CREB3L2: variants seen among roughly 807,000 people sequenced by gnomAD.
CREB3L2 encodes cyclic AMP-responsive element-binding protein 3-like protein 2.
In CREB3L2, 23 loss-of-function variants were observed where a neutral mutation model predicts 57.2. The ratio of observed to expected loss-of-function variants is 0.40; its 90% confidence interval spans 0.29 to 0.57. The LOEUF is 0.57. CREB3L2 is among the 20% of genes least tolerant of loss of function. The probability of loss-of-function intolerance (pLI) is 0.42; values close to 1 mark genes in which losing one functional copy is unlikely to be tolerated. For synonymous variants in CREB3L2, 268 were observed against 265.1 expected, an observed-to-expected ratio of 1.01 and a Z score of -0.11; for missense variants, 628 against 634.7, an observed-to-expected ratio of 0.99 and a Z score of 0.11.
intron 1 of CREB3L2, among the ~76,000 whole-genome samples, chr7:137,949,055 A>G (rs1801048361): frequency 1.3e-5 from 2 of 152,356 alleles, no homozygotes; most frequent in East Asian, 1.9e-4. Context: ...TAGTTGAGAA[A>G]TAAGTCTACA....
At chr7:137,965,652 T>C (rs1373394078) in intron 1 of CREB3L2, among the ~76,000 whole-genome samples, 2 of 152,266 alleles carry the variant, frequency 1.3e-5, no homozygotes, top group African/African-American at 2.4e-5. Context: ...AGCAAGGACA[T>C]AGAAAGCCCT....
intron 2 of CREB3L2, among the ~76,000 whole-genome samples, chr7:137,917,537 C>G (rs951911089): frequency 2.0e-5 from 3 of 152,174 alleles, no homozygotes; most frequent in Admixed American, 2.0e-4. Context: ...AGAGCAAAGT[C>G]GTTCACATTA....
chr7:137,912,957 A>G (rs1312028947), intron 4 of CREB3L2, 34 bp downstream of exon 4: 6 of 1,611,942 alleles, frequency 3.7e-6, no homozygotes, highest in South Asian at 3.3e-5. Flanking sequence ...GACCATATCC[A>G]TAACCCAAAG....
chr7:137,949,686 G>A (rs1248927384), intron 1 of CREB3L2, among the ~76,000 whole-genome samples: 1 of 152,266 alleles, frequency 6.6e-6, no homozygotes, highest in East Asian at 1.9e-4. Flanking sequence ...AAATCTAAGG[G>A]ATATTTCATG....
At chr7:137,921,292 C>A (rs1159399695) in intron 2 of CREB3L2, among the ~76,000 whole-genome samples, 1 of 152,202 alleles carries the variant, frequency 6.6e-6, no homozygotes, top group Non-Finnish European at 1.5e-5. Context: ...CCCATATCAG[C>A]TGATTTAAAC....
intron 8 of CREB3L2, among the ~76,000 whole-genome samples, chr7:137,893,671 C>T (rs192576777): frequency 2.1e-3 from 327 of 152,172 alleles, no homozygotes; most frequent in African/African-American, 7.6e-3. Flanking sequence ...CTGGAAAGAC[C>T]TTTAATAGGA....
At chr7:137,891,337 A>T (rs560752418) in intron 8 of CREB3L2, among the ~76,000 whole-genome samples, 24 of 152,194 alleles carry the variant, frequency 1.6e-4, no homozygotes, top group Non-Finnish European at 2.9e-4. Context: ...TAACTGGGAA[A>T]TGCATCAACA....
At chr7:137,956,643 CAGGTAAGCCATATTG>C (rs1801218134) in intron 1 of CREB3L2, 1 of 1,288,630 alleles carries the variant, frequency 7.8e-7, no homozygotes, top group African/African-American at 1.5e-5. Context: ...GCCAGCAGCC[CAGGTAAGCCATATTG>C]AAACAGCACA....
intron 8 of CREB3L2, among the ~76,000 whole-genome samples, chr7:137,899,105 G>A (rs879801896): frequency 0.24 from 8,716 of 35,598 alleles, 348 homozygotes; most frequent in East Asian, 0.36. Context: ...GAGAAGGAAG[G>A]AAGGAAGGAA....
At chr7:137,890,501 C>T (rs554585235) in intron 8 of CREB3L2, among the ~76,000 whole-genome samples, 1 of 152,306 alleles carries the variant, frequency 6.6e-6, no homozygotes, top group South Asian at 2.1e-4. Context: ...CAGAGGATGA[C>T]TGCTATGTGC....
intron 1 of CREB3L2, among the ~76,000 whole-genome samples, chr7:137,978,250 A>G (rs1046574619): frequency 6.6e-6 from 1 of 152,224 alleles, no homozygotes; most frequent in African/African-American, 2.4e-5. Context: ...AACTCTCTAT[A>G]TATCTCTCTA....
intron 2 of CREB3L2, among the ~76,000 whole-genome samples, chr7:137,921,636 T>C (rs1356523237): frequency 2.0e-5 from 3 of 152,134 alleles, no homozygotes; most frequent in Admixed American, 6.5e-5. Flanking sequence ...AAACCCTAAA[T>C]TGGGAGTTGG....
chr7:137,972,694 A>ACAAAAC (rs761789930), intron 1 of CREB3L2, among the ~76,000 whole-genome samples: 2,566 of 44,648 alleles, frequency 0.057, 79 homozygotes, highest in African/African-American at 0.069. Flanking sequence ...CAAAAAAAAA[A>ACAAAAC]AAAAAAAAAA....
intron 2 of CREB3L2, among the ~76,000 whole-genome samples, chr7:137,925,155 G>A (rs1030764275): frequency 1.3e-5 from 2 of 152,114 alleles, no homozygotes; most frequent in Admixed American, 6.5e-5. Context: ...GGCAAAGGAG[G>A]AAGAGGGAAA....
chr7:137,964,135 G>A (rs1451749033), intron 1 of CREB3L2, among the ~76,000 whole-genome samples: 1 of 152,148 alleles, frequency 6.6e-6, no homozygotes, highest in Non-Finnish European at 1.5e-5. Context: ...GGCCAACATG[G>A]TGAAACCCTG....
intron 2 of CREB3L2, among the ~76,000 whole-genome samples, chr7:137,927,736 T>A (rs1180000698): frequency 6.7e-6 from 1 of 148,836 alleles, no homozygotes; most frequent in Non-Finnish European, 1.5e-5. Flanking sequence ...ATGATGGAAT[T>A]GGGTTGAGAG....
At chr7:137,983,424 G>C (rs78946659) in intron 1 of CREB3L2, among the ~76,000 whole-genome samples, 120 of 152,336 alleles carry the variant, frequency 7.9e-4, no homozygotes, top group African/African-American at 2.8e-3. Flanking sequence ...TGGTCTTTTA[G>C]ACATGTTCCA....
rs918258236 is a variant in CREB3L2, at chr7:137,905,990, A to G, written c.769-142T>C. The G allele has an allele frequency of 3.1e-5, 23 of 731,348 alleles. No individual in the cohort carries two copies. In the East Asian group the frequency reaches 5.2e-4, roughly 16 times the overall value. The allele number at this position is 731,348 out of a possible 1,614,324, so 45.3% of individuals were successfully genotyped here. On this transcript the variant is annotated intron_variant, in intron 5 of 11. Coordinates refer to ENST00000330387, the MANE Select transcript of CREB3L2 (RefSeq NM_194071.4). ...AAGGATGCCCCATCTGCTTTGGGTG[A>G]CAGATGGGTATTTTGAAGGGCATGG...
chr7:137,903,415 A>G (rs1799806846), intron 7 of CREB3L2, among the ~76,000 whole-genome samples: 1 of 152,118 alleles, frequency 6.6e-6, no homozygotes, highest in Non-Finnish European at 1.5e-5. Context: ...TATTTAATTC[A>G]TCTTTTTCTA....
Sources: allele counts gnomAD v4.1 joint callset (sites outside exome capture counted in the v4.1 genomes callset), GRCh38; gene constraint gnomAD v4.1.1; transcripts MANE v1.5; gene names NCBI Gene and HGNC (gene_info 2026-07-23, HGNC 2026-07-21).